LARGE1: variants seen among roughly 807,000 people sequenced by gnomAD.
LARGE1 encodes LARGE xylosyl- and glucuronyltransferase 1.
A neutral mutation model predicts 87.6 loss-of-function variants in LARGE1; 43 were observed. The ratio of observed to expected loss-of-function variants is 0.49; its 90% CI spans 0.38 to 0.63. The LOEUF (loss-of-function observed/expected upper bound fraction) is 0.63, where lower values mean the gene tolerates loss of function less well. Ranked by LOEUF, LARGE1 falls within the 30% of genes least tolerant of loss-of-function variation. The probability of loss-of-function intolerance (pLI) is 0.00; values close to 1 mark genes in which losing one functional copy is unlikely to be tolerated. For missense variants in LARGE1, 802 were observed against 1,000.2 expected (o/e 0.80, Z 2.67); for synonymous variants, 434 against 394.6 (o/e 1.10, Z -1.18).
chr22:33,860,589 C>T (rs2063887856), intron 1 of LARGE1, among the ~76,000 whole-genome samples: 1 of 152,204 alleles, frequency 6.6e-6, no homozygotes, highest in African/African-American at 2.4e-5. Context: ...GCGACCCAGC[C>T]TCTCTGACAC....
chr22:33,078,116 TAGTTTTGAC>T, the LARGE1 span, among the ~76,000 whole-genome samples: 10 of 152,202 alleles, frequency 6.6e-5, no homozygotes, highest in African/African-American at 2.4e-4. Flanking sequence ...TCTCTTTCCC[TAGTTTTGAC>T]TGCTTTGCCT....
intron 2 of LARGE1, among the ~76,000 whole-genome samples, chr22:33,723,345 G>A (rs76644463): frequency 0.024 from 3,675 of 152,270 alleles, 65 homozygotes; most frequent in Non-Finnish European, 0.036. Context: ...AGGGGCAAAG[G>A]GAGGCATGCC....
chr22:33,798,239 G>A (rs911313188), intron 1 of LARGE1, among the ~76,000 whole-genome samples: 6 of 152,124 alleles, frequency 3.9e-5, no homozygotes, highest in African/African-American at 1.2e-4. Flanking sequence ...GCAGTGAGCC[G>A]AGATCTGGCC....
At chr22:33,913,365 T>C (rs1422233311) in intron 1 of LARGE1, among the ~76,000 whole-genome samples, 3 of 152,202 alleles carry the variant, frequency 2.0e-5, no homozygotes, top group African/African-American at 4.8e-5. Flanking sequence ...GGCAGAACAG[T>C]AGTTAAATAA....
At chr22:33,515,685 T>C (rs1602208515) in intron 6 of LARGE1, among the ~76,000 whole-genome samples, 1 of 152,152 alleles carries the variant, frequency 6.6e-6, no homozygotes, top group Non-Finnish European at 1.5e-5. Flanking sequence ...GGGGAGGCAG[T>C]AGTCCCCGGA....
rs147566239 is a variant in LARGE1 at position 33,709,083 on chromosome 22, A to C, written c.106+52288T>G. 1.5e-4 allele frequency among the ~76,000 whole-genome samples: 23 copies of C among 152,276 alleles called. No homozygotes were observed. The East Asian group carries it at 3.5e-3, about 23-fold the overall frequency. On this transcript the variant is annotated intron_variant, in intron 2 of 14. Coordinates refer to ENST00000397394, the MANE Select transcript of LARGE1 (RefSeq NM_133642.5). The stretch of plus-strand genomic sequence containing the variant: ...CTTTAATCACCTCTGTAAAGACCCC[A>C]TCCCCAGTCACATTCCTGGGTATCA...
At chr22:33,761,276 C>G in intron 2 of LARGE1, 95 bp downstream of exon 2, 1 of 973,840 alleles carries the variant, frequency 1.0e-6, no homozygotes, top group Non-Finnish European at 1.7e-6. Flanking sequence ...ATACATATTC[C>G]TATTAGATGG....
intron 9 of LARGE1, among the ~76,000 whole-genome samples, chr22:33,351,555 T>C (rs907609399): frequency 6.6e-6 from 1 of 151,966 alleles, no homozygotes; most frequent in East Asian, 1.9e-4. Flanking sequence ...TGAGTATATA[T>C]AGACATAAAT....
the LARGE1 span, among the ~76,000 whole-genome samples, chr22:33,078,377 T>C: frequency 6.6e-6 from 1 of 152,222 alleles, no homozygotes; most frequent in African/African-American, 2.4e-5. Flanking sequence ...GGAGCCAATA[T>C]TTATTGAGCA....
intron 7 of LARGE1, among the ~76,000 whole-genome samples, chr22:33,397,446 T>C (rs569586376): frequency 5.9e-5 from 9 of 152,352 alleles, no homozygotes; most frequent in African/African-American, 2.2e-4. Context: ...TAGCATAGTT[T>C]TATCCATTTC....
chr22:33,289,753 T>C (rs750515), intron 12 of LARGE1, among the ~76,000 whole-genome samples: 13,509 of 152,088 alleles, frequency 0.089, 1,828 homozygotes, highest in African/African-American at 0.29. Context: ...AAATTCACCT[T>C]TTCCAGCGTG....
rs11912493 is a variant in LARGE1, at chr22:33,168,480, G to A, written c.1731-1648C>T. ...CCAGAAGTCAAATGCAGATCAAAAA[G>A]TCTAGAATTGGAGGCAATTTCCAAT... is the stretch of plus-strand genomic sequence containing the variant. On this transcript the variant is annotated intron_variant, in intron 11 of 11. Coordinates refer to the LARGE1 transcript ENST00000608642. 8.1e-3 allele frequency among the ~76,000 whole-genome samples: 1,230 copies of A among 152,316 alleles called. 53 individuals are homozygous for A. In the South Asian group the frequency reaches 0.12, roughly 15 times the overall value.
chr22:33,892,428 G>A (rs1386954855), intron 1 of LARGE1, among the ~76,000 whole-genome samples: 1 of 152,170 alleles, frequency 6.6e-6, no homozygotes, highest in Non-Finnish European at 1.5e-5. Context: ...CTTAAAACTG[G>A]CATACCATCC....
chr22:33,499,859 C>T lies in LARGE1; in HGVS notation c.787+64989G>A, dbSNP rs576239242. 3.2e-4 allele frequency among the ~76,000 whole-genome samples: 48 copies of T among 152,262 alleles called. 1 individual carries two copies. In the East Asian group the frequency reaches 7.3e-3, roughly 23 times the overall value. On this transcript the variant is annotated intron_variant, in intron 6 of 14. Transcript: ENST00000397394. ...TGCAATCTCGGCTCACTGCAACCTCCGCCTCCCAGGTTCAAGCGACTCTCC... is the reference window on the plus strand; with the variant it reads ...TGCAATCTCGGCTCACTGCAACCTCTGCCTCCCAGGTTCAAGCGACTCTCC...
intron 2 of LARGE1, among the ~76,000 whole-genome samples, chr22:33,726,365 C>T (rs544286963): frequency 1.3e-5 from 2 of 152,288 alleles, no homozygotes; most frequent in Admixed American, 1.3e-4. Flanking sequence ...TGACTCTAAA[C>T]CTGAGAGCAC....
In LARGE1 at chr22:33,846,824, T is replaced by G. The variant is rs148398507; in HGVS notation, c.-83+73171A>C. The stretch of plus-strand genomic sequence containing the variant: ...GAAATTCCTGCCTAATAAATTTTGG[T>G]CAGACCGGTTGCTCTCAAAACCCTG... On this transcript the variant is annotated intron_variant, in intron 1 of 14. Coordinates refer to ENST00000397394, the MANE Select transcript of LARGE1 (RefSeq NM_133642.5). 9.5e-3 allele frequency among the ~76,000 whole-genome samples: 1,447 copies of G among 152,256 alleles called. 19 individuals carry two copies. Among genetic ancestry groups the G allele is most frequent in the African/African-American group, 0.032 (1,315 of 41,552 alleles).
the LARGE1 span, among the ~76,000 whole-genome samples, chr22:33,128,361 T>C: frequency 1.3e-5 from 2 of 152,208 alleles, no homozygotes; most frequent in Admixed American, 1.3e-4. Flanking sequence ...CAAATGCTCA[T>C]CAGTGATAGA....
intron 9 of LARGE1, among the ~76,000 whole-genome samples, chr22:33,355,222 CACCTTCATTTCTG>C (rs1378091541): frequency 6.6e-6 from 1 of 152,154 alleles, no homozygotes; most frequent in African/African-American, 2.4e-5. Context: ...TTTTATGTAG[CACCTTCATTTCTG>C]ACCTGGATAC....
rs181603598 is a variant in LARGE1, at chr22:33,518,291, C to G, written c.787+46557G>C. The stretch of plus-strand genomic sequence containing the variant: ...TCCCAAACAGGTTAAATCAACAGCC[C>G]AAGGTCACACGCCAGCAAATGGCAG... On this transcript the variant is annotated intron_variant, in intron 6 of 14. Transcript: ENST00000397394. Among the ~76,000 whole-genome samples, 408 of 152,302 alleles carry G rather than the reference C, an allele frequency of 2.7e-3. 3 individuals are homozygous for G. The highest frequency in any genetic ancestry group is 3.4e-3 in the Middle Eastern group (1 of 294).
Sources: gnomAD v4.1 joint callset for allele counts (sites outside exome capture counted in the v4.1 genomes callset) on GRCh38, gnomAD v4.1.1 for gene constraint, MANE v1.5 for transcripts, NCBI Gene and HGNC (gene_info 2026-07-23, HGNC 2026-07-21) for gene names.